Variants in ZNF609 observed in about 807,000 individuals in gnomAD.
ZNF609 encodes zinc finger protein 609.
In ZNF609, 11 loss-of-function variants were observed where a neutral mutation model predicts 109.5. That is an observed-to-expected ratio of 0.10 (90% confidence interval 0.06 to 0.17). The LOEUF (loss-of-function observed/expected upper bound fraction) is 0.17. Ranked by LOEUF, ZNF609 falls within the 10% of genes least tolerant of loss-of-function variation. The pLI is 1.00. For missense variants in ZNF609, 1,559 were observed against 1,772.4 expected (o/e 0.88, Z 2.16); for synonymous variants, 646 against 662.0 (o/e 0.98, Z 0.37).
chr15:64,463,189 G>A (rs1892966659), intron 1 of ZNF609, among the ~76,000 whole-genome samples: 1 of 152,130 alleles, frequency 6.6e-6, no homozygotes, highest in South Asian at 2.1e-4. Flanking sequence ...GAGTTCAGGA[G>A]TTCGAGACCA....
At chr15:64,469,178 G>A (rs937291125) in intron 1 of ZNF609, among the ~76,000 whole-genome samples, 3 of 151,664 alleles carry the variant, frequency 2.0e-5, no homozygotes, top group Non-Finnish European at 4.4e-5. Flanking sequence ...CAGGAGAATC[G>A]CTTAAACTTG....
intron 2 of ZNF609, among the ~76,000 whole-genome samples, chr15:64,579,861 TA>T (rs1895068337): frequency 6.6e-6 from 1 of 152,220 alleles, no homozygotes; most frequent in East Asian, 1.9e-4. Flanking sequence ...AAAAAAGTTA[TA>T]AATAAAAAAT....
intron 4 of ZNF609, among the ~76,000 whole-genome samples, chr15:64,670,739 A>T (rs1331640027): frequency 6.6e-6 from 1 of 151,736 alleles, no homozygotes; most frequent in African/African-American, 2.4e-5. Flanking sequence ...TTAGCCAGGC[A>T]TGGTGGTGCA....
chr15:64,492,635 G>A (rs763158287), intron 1 of ZNF609, among the ~76,000 whole-genome samples: 2 of 152,098 alleles, frequency 1.3e-5, no homozygotes, highest in Non-Finnish European at 2.9e-5. Context: ...TCTCACCTCG[G>A]CCTCCCAAAG....
At position 64,624,816 on chromosome 15, in the gene ZNF609, G is replaced by A. The variant is rs566314177; in HGVS notation, c.973+1764G>A. 9.6e-5 allele frequency among the ~76,000 whole-genome samples: 14 copies of A among 145,886 alleles called. No homozygotes were observed. The South Asian group carries it at 3.0e-3, about 31-fold the overall frequency. Reference sequence around the variant, plus strand: ...ACCCTGTCACCCAGGCTGGAGTACAGTGGTGCGATCTTGGCTCACTGCAAC... The same window carrying A: ...ACCCTGTCACCCAGGCTGGAGTACAATGGTGCGATCTTGGCTCACTGCAAC... On this transcript the variant is annotated intron_variant, in intron 3 of 9. Transcript: ENST00000326648.
chr15:64,626,475 A>G (rs1895964876), intron 3 of ZNF609, among the ~76,000 whole-genome samples: 1 of 152,066 alleles, frequency 6.6e-6, no homozygotes, highest in Admixed American at 6.6e-5. Flanking sequence ...CTGCCTCTCG[A>G]CATTTTGTAC....
intron 2 of ZNF609, among the ~76,000 whole-genome samples, chr15:64,622,429 C>G (rs1895890886): frequency 6.6e-6 from 1 of 152,138 alleles, no homozygotes; most frequent in South Asian, 2.1e-4. Flanking sequence ...CAAAACATAC[C>G]TCAGATGCTG....
chr15:64,604,776 G>A (rs951234558), intron 2 of ZNF609, among the ~76,000 whole-genome samples: 1 of 151,964 alleles, frequency 6.6e-6, no homozygotes, highest in African/African-American at 2.4e-5. Flanking sequence ...CCTCCATTCT[G>A]CTTTCCCCTA....
chr15:64,484,792 G>A (rs538307835), intron 1 of ZNF609, among the ~76,000 whole-genome samples: 1 of 150,368 alleles, frequency 6.7e-6, no homozygotes, highest in East Asian at 2.0e-4. Flanking sequence ...TGGCCAACAT[G>A]GTGAAACCCC....
intron 3 of ZNF609, among the ~76,000 whole-genome samples, chr15:64,627,025 A>G (rs1309670611): frequency 6.6e-6 from 1 of 152,100 alleles, no homozygotes; most frequent in African/African-American, 2.4e-5. Flanking sequence ...CCTGGCCAAC[A>G]TGGCAAAACC....
At chr15:64,592,439 C>T (rs1048248780) in intron 2 of ZNF609, among the ~76,000 whole-genome samples, 1 of 151,994 alleles carries the variant, frequency 6.6e-6, no homozygotes, top group Non-Finnish European at 1.5e-5. Context: ...TTAGCCAGCT[C>T]TGGTGGCAGG....
intron 2 of ZNF609, among the ~76,000 whole-genome samples, chr15:64,540,830 C>T (rs1894240651): frequency 6.7e-6 from 1 of 148,458 alleles, no homozygotes; most frequent in Non-Finnish European, 1.5e-5. Context: ...GAGATCGAGA[C>T]CATTCTGGCC....
intron 2 of ZNF609, among the ~76,000 whole-genome samples, chr15:64,592,168 GAA>G (rs112857602): frequency 2.4e-5 from 3 of 126,584 alleles, no homozygotes; most frequent in Non-Finnish European, 1.7e-5. Flanking sequence ...CTGCCTCAAA[GAA>G]AAAAAAAAAA....
intron 2 of ZNF609, among the ~76,000 whole-genome samples, chr15:64,565,325 C>G (rs954342898): frequency 1.3e-5 from 2 of 151,482 alleles, no homozygotes; most frequent in Non-Finnish European, 2.9e-5. Context: ...AGGTGATCCA[C>G]CCACCTTGAC....
chr15:64,523,687 T>C (rs184839097), intron 2 of ZNF609, among the ~76,000 whole-genome samples: 13 of 151,424 alleles, frequency 8.6e-5, no homozygotes, highest in Admixed American at 8.6e-4. Flanking sequence ...CGCTTGAACC[T>C]GGGAGGCAGA....
chr15:64,478,586 C>T (rs1391643436), intron 1 of ZNF609, among the ~76,000 whole-genome samples: 1 of 152,066 alleles, frequency 6.6e-6, no homozygotes, highest in Non-Finnish European at 1.5e-5. Context: ...CCATGTTGGC[C>T]AGGCTGGACT....
At chr15:64,660,903 G>A (rs781117110) in intron 3 of ZNF609, among the ~76,000 whole-genome samples, 4 of 151,944 alleles carry the variant, frequency 2.6e-5, no homozygotes, top group East Asian at 1.9e-4. Context: ...CCCTCACATC[G>A]TCTTCTGCTT....
chr15:64,622,897 T>A lies in ZNF609; in HGVS notation c.818T>A (p.Ile273Asn), dbSNP rs1420217880. 6.2e-7 allele frequency: 1 copy of A among 1,614,084 alleles called. No individual in the cohort carries two copies. The highest frequency in any genetic ancestry group is 1.3e-5 in the African/African-American group (1 of 74,952). ...HLLVPVVNND[I>N]SSPCEQIMVR... ...TTGGTGCCAGTGGTCAACAATGACA[T>A]CTCATCTCCCTGTGAGCAGATCATG... The change falls in exon 3 of 10, where the codon ATC becomes AAC. Residue 273 changes from isoleucine (I) to asparagine (N), a missense_variant. By Grantham distance (149) the Ile-to-Asn change is moderately radical. This residue lies in a region of ZNF609 where 291 missense variants were observed against 317.8 expected (regional missense o/e 0.92). Coordinates refer to ENST00000326648, the MANE Select transcript of ZNF609 (RefSeq NM_015042.2).
intron 2 of ZNF609, among the ~76,000 whole-genome samples, chr15:64,507,125 C>T (rs1040281080): frequency 1.3e-5 from 2 of 152,146 alleles, no homozygotes; most frequent in African/African-American, 2.4e-5. Flanking sequence ...CTTTTCTGGC[C>T]ATATCCCTGG....
Sources: gnomAD v4.1 joint callset for allele counts (sites outside exome capture counted in the v4.1 genomes callset) on GRCh38, gnomAD v4.1.1 for gene constraint, gnomAD v4.1.1 regional missense constraint, MANE v1.5 for transcripts, NCBI Gene and HGNC (gene_info 2026-07-23, HGNC 2026-07-21) for gene names.